The following FHOD3 variants were observed in gnomAD, a reference collection of about 807,000 sequenced individuals.
The protein encoded by FHOD3 is FH1/FH2 domain-containing protein 3.
In FHOD3, 90 loss-of-function variants were observed where a neutral mutation model predicts 173.0. The observed-to-expected ratio is 0.52, with a 90% CI of 0.44 to 0.62. FHOD3 has a LOEUF of 0.62. FHOD3 is among the 20% of genes least tolerant of loss of function. FHOD3 has a pLI of 0.00. For missense variants in FHOD3, 1,945 were observed against 2,034.7 expected (o/e 0.96, Z 0.85); for synonymous variants, 828 against 823.0 (o/e 1.01, Z -0.10).
At chr18:36,687,522 T>C (rs748130083) in intron 16 of FHOD3, among the ~76,000 whole-genome samples, 78 of 152,314 alleles carry the variant, frequency 5.1e-4, no homozygotes, top group Admixed American at 8.5e-4. Context: ...CAGCACTCCT[T>C]CAAGAAATAT....
chr18:36,636,510 G>C (rs2034893235), intron 10 of FHOD3, among the ~76,000 whole-genome samples: 1 of 152,160 alleles, frequency 6.6e-6, no homozygotes, highest in Admixed American at 6.5e-5. Context: ...ATTCTGTGTA[G>C]CCTAAATGCC....
chr18:36,369,486 CACACACACACACATAT>C (rs2047063694), intron 2 of FHOD3, among the ~76,000 whole-genome samples: 1 of 125,354 alleles, frequency 8.0e-6, no homozygotes, highest in African/African-American at 3.4e-5. Context: ...CACACACACA[CACACACACACACATAT>C]ATATAGAGAG....
intron 8 of FHOD3, among the ~76,000 whole-genome samples, chr18:36,611,087 T>C (rs2032625897): frequency 6.6e-6 from 1 of 152,224 alleles, no homozygotes; most frequent in Non-Finnish European, 1.5e-5. Flanking sequence ...TCTTTTTGTC[T>C]CTTAATTGCT....
chr18:36,487,126 T>C (rs1340708884), intron 3 of FHOD3, among the ~76,000 whole-genome samples: 3 of 152,200 alleles, frequency 2.0e-5, no homozygotes, highest in Non-Finnish European at 2.9e-5. Context: ...GAAATGTTTT[T>C]ATGTGTGTAA....
At chr18:36,302,566 C>T (rs1598628022) in intron 1 of FHOD3, among the ~76,000 whole-genome samples, 2 of 152,224 alleles carry the variant, frequency 1.3e-5, no homozygotes, top group African/African-American at 4.8e-5. Flanking sequence ...GGGAGAAGAC[C>T]TGGCTGTTCA....
intron 3 of FHOD3, among the ~76,000 whole-genome samples, chr18:36,424,429 G>T (rs946592546): frequency 3.9e-5 from 6 of 152,036 alleles, no homozygotes; most frequent in Non-Finnish European, 1.5e-5. Flanking sequence ...ATTGACTTGG[G>T]TTTATTGTTC....
intron 19 of FHOD3, among the ~76,000 whole-genome samples, chr18:36,720,735 T>TCTTCTCCTC (rs2040726771): frequency 6.7e-6 from 1 of 148,334 alleles, no homozygotes; most frequent in Non-Finnish European, 1.5e-5. Context: ...TCCTTCTTCT[T>TCTTCTCCTC]CTCCTCCTCC....
intron 5 of FHOD3, among the ~76,000 whole-genome samples, chr18:36,512,864 A>G (rs1360575419): frequency 6.6e-6 from 1 of 152,160 alleles, no homozygotes; most frequent in African/African-American, 2.4e-5. Context: ...GCTTGGGTAA[A>G]GCCTGCATCT....
At chr18:36,375,967 A>C (rs1241281285) in intron 3 of FHOD3, among the ~76,000 whole-genome samples, 2 of 152,232 alleles carry the variant, frequency 1.3e-5, no homozygotes, top group Admixed American at 6.5e-5. Context: ...AAGAAATGAA[A>C]ATTTTGATGG....
At chr18:36,475,184 A>G (rs910864110) in intron 3 of FHOD3, among the ~76,000 whole-genome samples, 5 of 152,118 alleles carry the variant, frequency 3.3e-5, no homozygotes, top group Admixed American at 1.3e-4. Context: ...CCAGAAGCCC[A>G]CAGGTGGTTC....
chr18:36,338,429 T>G (rs1404831169), intron 1 of FHOD3, among the ~76,000 whole-genome samples: 1 of 152,154 alleles, frequency 6.6e-6, no homozygotes, highest in Non-Finnish European at 1.5e-5. Flanking sequence ...GCCTTTACTT[T>G]TAACTATTGG....
intron 14 of FHOD3, among the ~76,000 whole-genome samples, chr18:36,663,392 CA>C (rs1327497230): frequency 6.6e-6 from 1 of 152,222 alleles, no homozygotes; most frequent in African/African-American, 2.4e-5. Flanking sequence ...CTTCCCTGAT[CA>C]GCCACGCTGA....
At chr18:36,562,577 C>T (rs181667358) in intron 5 of FHOD3, among the ~76,000 whole-genome samples, 19 of 152,264 alleles carry the variant, frequency 1.2e-4, no homozygotes, top group Non-Finnish European at 2.4e-4. Context: ...TGGGCTGAAG[C>T]GGACCAGTGC....
chr18:36,510,708 A>C (rs1038215946), intron 4 of FHOD3, among the ~76,000 whole-genome samples: 2 of 152,222 alleles, frequency 1.3e-5, no homozygotes, highest in Non-Finnish European at 2.9e-5. Context: ...AAGGATATGG[A>C]GGGAGAGAGA....
In FHOD3 at chr18:36,585,495, A is replaced by T. The variant is rs556564410; in HGVS notation, c.606+8950A>T. On this transcript the variant is annotated intron_variant, in intron 6 of 28. Transcript: ENST00000590592. ...TTTTACTAGTTATTGTTTTAGGAAG[A>T]CCTCAGAGTGAGAGAGAAGTGATTC... 5.9e-5 allele frequency among the ~76,000 whole-genome samples: 9 copies of T among 152,034 alleles called. No individual in the cohort carries two copies. In the East Asian group the frequency reaches 1.7e-3, roughly 29 times the overall value.
At chr18:36,343,205 A>G (rs1396601167) in intron 1 of FHOD3, among the ~76,000 whole-genome samples, 4 of 152,240 alleles carry the variant, frequency 2.6e-5, no homozygotes, top group African/African-American at 4.8e-5. Context: ...TTGTACACAG[A>G]CAAATGTTAT....
intron 3 of FHOD3, among the ~76,000 whole-genome samples, chr18:36,392,192 G>A (rs1346068810): frequency 1.3e-5 from 2 of 152,166 alleles, no homozygotes; most frequent in Non-Finnish European, 2.9e-5. Flanking sequence ...AGGGTTTTGG[G>A]GGGTTAAATG....
chr18:36,570,076 C>A (rs59016527), intron 5 of FHOD3, among the ~76,000 whole-genome samples: 1,639 of 150,548 alleles, frequency 0.011, 31 homozygotes, highest in African/African-American at 0.038. Flanking sequence ...AAGTTGAAAG[C>A]GGAGAAAAAA....
chr18:36,728,449 CTT>C (rs893927031), intron 19 of FHOD3, among the ~76,000 whole-genome samples: 1 of 152,208 alleles, frequency 6.6e-6, no homozygotes, highest in African/African-American at 2.4e-5. Context: ...GAACAGAACA[CTT>C]TCCCTGAAGA....
Sources: allele counts gnomAD v4.1 joint callset (sites outside exome capture counted in the v4.1 genomes callset), GRCh38; gene constraint gnomAD v4.1.1; transcripts MANE v1.5; gene names NCBI Gene and HGNC (gene_info 2026-07-23, HGNC 2026-07-21).